The following RIMS2 variants were observed in gnomAD, a reference collection of about 807,000 sequenced individuals.
RIMS2 encodes the protein regulating synaptic membrane exocytosis protein 2.
In RIMS2, 59 loss-of-function variants were observed where a neutral mutation model predicts 174.4. The observed-to-expected ratio is 0.34, with a 90% CI of 0.27 to 0.42. RIMS2 has a LOEUF of 0.42. Ranked by LOEUF, RIMS2 falls within the 10% of genes least tolerant of loss-of-function variation. The pLI is 1.00. For missense variants in RIMS2, 1,620 were observed against 1,666.3 expected (o/e 0.97, Z 0.48); for synonymous variants, 606 against 572.5 (o/e 1.06, Z -0.84).
At chr8:103,809,707 A>G (rs965963304) in intron 3 of RIMS2, among the ~76,000 whole-genome samples, 5 of 152,138 alleles carry the variant, frequency 3.3e-5, no homozygotes, top group African/African-American at 1.2e-4. Context: ...GACTGAGGGC[A>G]CCAACAAGTG....
chr8:103,918,364 T>G (rs1418084497), intron 8 of RIMS2, 77 bp from the exon 12 acceptor site: 1 of 848,566 alleles, frequency 1.2e-6, no homozygotes, highest in Non-Finnish European at 1.9e-6. Context: ...ATTAATAGGT[T>G]GATAATAATA....
chr8:103,768,774 AG>A (rs2098212534), intron 3 of RIMS2: 5 of 738,112 alleles, frequency 6.8e-6, no homozygotes, highest in South Asian at 5.5e-5. Context: ...TAAACAAAGA[AG>A]GTAAGAAACC....
At chr8:103,567,494 A>G (rs2092457081) in intron 1 of RIMS2, among the ~76,000 whole-genome samples, 1 of 152,214 alleles carries the variant, frequency 6.6e-6, no homozygotes, top group South Asian at 2.1e-4. Context: ...CGTAACATGT[A>G]TAGTACTTTT....
At chr8:103,568,885 A>G in intron 1 of RIMS2, 1 of 1,140,974 alleles carries the variant, frequency 8.8e-7, no homozygotes, top group South Asian at 1.2e-5. Flanking sequence ...TTATTAAAAG[A>G]GGCAGGAAGA....
At chr8:103,847,610 G>A (rs2098974771) in intron 3 of RIMS2, among the ~76,000 whole-genome samples, 1 of 152,040 alleles carries the variant, frequency 6.6e-6, no homozygotes, top group Non-Finnish European at 1.5e-5. Flanking sequence ...GGCAGGAAAG[G>A]CAAACTCATA....
intron 19 of RIMS2, among the ~76,000 whole-genome samples, chr8:104,232,324 T>C (rs78377066): frequency 0.011 from 1,722 of 152,320 alleles, 35 homozygotes; most frequent in African/African-American, 0.04. Flanking sequence ...GCATTCTTTG[T>C]GCTACACATA....
At chr8:104,083,657 T>C (rs916387512) in intron 19 of RIMS2, among the ~76,000 whole-genome samples, 17 of 152,172 alleles carry the variant, frequency 1.1e-4, no homozygotes, top group African/African-American at 3.9e-4. Flanking sequence ...AATAAAAACA[T>C]AAGGGCTTTA....
chr8:103,991,192 T>C lies in RIMS2; in HGVS notation c.3044+1771T>C, dbSNP rs1290217423. On this transcript the variant is annotated intron_variant, in intron 17 of 23. Transcript: ENST00000504942. ...TTTTAGTTTAGCAAAAATGTTCATA[T>C]AATTATTTTCTGAAGTTTTCAAGAA... 2.6e-5 allele frequency among the ~76,000 whole-genome samples: 4 copies of C among 151,856 alleles called. No homozygotes were observed. In the South Asian group the frequency reaches 6.2e-4, roughly 24 times the overall value.
At chr8:104,151,633 G>GATTTATGAAATTTTGA (rs2098690428) in intron 19 of RIMS2, among the ~76,000 whole-genome samples, 3 of 151,964 alleles carry the variant, frequency 2.0e-5, no homozygotes, top group Non-Finnish European at 4.4e-5. Flanking sequence ...ATGAGTCTTT[G>GATTTATGAAATTTTGA]ATTTATGAAA....
intron 1 of RIMS2, among the ~76,000 whole-genome samples, chr8:103,634,364 T>C (rs533796068): frequency 2.0e-5 from 3 of 152,378 alleles, no homozygotes; most frequent in Admixed American, 2.0e-4. Flanking sequence ...TGTATTTTTA[T>C]TGTTCTATGA....
chr8:103,589,152 A>G (rs374877360), intron 1 of RIMS2, among the ~76,000 whole-genome samples: 1 of 151,630 alleles, frequency 6.6e-6, no homozygotes, highest in African/African-American at 2.4e-5. Flanking sequence ...ATTTGGAAAA[A>G]CCTAAAGACT....
chr8:103,660,105 A>C (rs1047951275), intron 1 of RIMS2, among the ~76,000 whole-genome samples: 1 of 152,146 alleles, frequency 6.6e-6, no homozygotes, highest in Non-Finnish European at 1.5e-5. Flanking sequence ...CCGTGTCCTC[A>C]GTGAGCTCTC....
At position 103,582,582 on chromosome 8, in the gene RIMS2, A is replaced by G. The variant is rs531385301; in HGVS notation, c.176+81520A>G. ...TACCTGGAAGGGTGAGTCCCAGGCC[A>G]GGCAGCATTCACAATAAGCTGACTT... On this transcript the variant is annotated intron_variant, in intron 1 of 23. Coordinates refer to ENST00000504942, the Ensembl canonical transcript of RIMS2. Among the ~76,000 whole-genome samples, 82 of 152,294 alleles carry G rather than the reference A, an allele frequency of 5.4e-4. No homozygotes were observed. In the Middle Eastern group the frequency reaches 0.024, roughly 44 times the overall value.
At chr8:103,505,600 A>G (rs1225483022) in intron 1 of RIMS2, among the ~76,000 whole-genome samples, 1 of 152,098 alleles carries the variant, frequency 6.6e-6, no homozygotes, top group African/African-American at 2.4e-5. Flanking sequence ...ACATGTATGA[A>G]TGTATATTTG....
intron 19 of RIMS2, among the ~76,000 whole-genome samples, chr8:104,039,124 C>T (rs1039468022): frequency 6.6e-6 from 1 of 151,648 alleles, no homozygotes; most frequent in African/African-American, 2.4e-5. Context: ...AATTACTTGA[C>T]AGTTGTAGAA....
chr8:103,933,258 A>G (rs2080395917), intron 12 of RIMS2, among the ~76,000 whole-genome samples: 1 of 134,656 alleles, frequency 7.4e-6, no homozygotes, highest in African/African-American at 3.1e-5. Context: ...GCACCACTGC[A>G]CTCCAGCCTG....
chr8:103,684,536 CTTTT>C (rs1053986665), intron 1 of RIMS2, among the ~76,000 whole-genome samples: 7 of 138,006 alleles, frequency 5.1e-5, no homozygotes, highest in African/African-American at 7.6e-5. Context: ...CTGGTTCATA[CTTTT>C]TTTATTTTAT....
chr8:103,652,635 T>C (rs749402317), intron 1 of RIMS2: 3 of 1,349,104 alleles, frequency 2.2e-6, no homozygotes, highest in Non-Finnish European at 2.9e-6. Flanking sequence ...TGGTTTCCCT[T>C]TAGTGGAATC....
chr8:103,746,688 CT>C (rs1314071471), intron 2 of RIMS2, among the ~76,000 whole-genome samples: 9 of 149,120 alleles, frequency 6.0e-5, no homozygotes, highest in Admixed American at 3.4e-4. Context: ...TCCCACTTTT[CT>C]TTTTTTTTTG....
Sources: allele counts gnomAD v4.1 joint callset (sites outside exome capture counted in the v4.1 genomes callset), GRCh38; gene constraint gnomAD v4.1.1; transcripts MANE v1.5; gene names NCBI Gene and HGNC (gene_info 2026-07-23, HGNC 2026-07-21).